The following LRP5 variants were observed in gnomAD, a reference collection of about 807,000 sequenced individuals.
LRP5 encodes the protein LDL receptor related protein 5.
In LRP5, 62 loss-of-function variants were observed where a neutral mutation model predicts 154.1. The observed-to-expected ratio is 0.40, with a 90% CI of 0.33 to 0.50. LRP5 has a LOEUF of 0.50. LRP5 is among the 20% of genes least tolerant of loss of function. The pLI is 0.55. For synonymous variants in LRP5, 966 were observed against 1,011.5 expected, an observed-to-expected ratio of 0.96 and a Z score of 0.85; for missense variants, 1,915 against 2,336.7, an observed-to-expected ratio of 0.82 and a Z score of 3.72.
chr11:68,335,781 A>G (rs2098605372), intron 1 of LRP5, among the ~76,000 whole-genome samples: 1 of 152,206 alleles, frequency 6.6e-6, no homozygotes, highest in Non-Finnish European at 1.5e-5. Context: ...TGTGGAAAGC[A>G]TGGCACTAGC....
chr11:68,446,457 C>T lies in LRP5; in HGVS notation c.4510C>T (p.Pro1504Ser). 1 of 1,613,960 alleles carries T rather than the reference C, an allele frequency of 6.2e-7. No homozygotes were observed. The highest frequency in any genetic ancestry group is 8.5e-7 in the Non-Finnish European group (1 of 1,179,852). Reference protein sequence around the residue: ...YPPILNPPPSPATDPSLYNMD... With the variant: ...YPPILNPPPSSATDPSLYNMD... ...TCAGATCCTGAACCCGCCGCCCTCC[C>T]CGGCCACGGACCCCTCCCTGTACAA... Residue 1504 changes from proline (P) to serine (S), a missense_variant, in exon 22 of 23, where the codon CCG becomes TCG. Physicochemically the swap from Pro to Ser is moderately conservative, Grantham distance 74 (BLOSUM62 -1). Transcript: ENST00000294304.
chr11:68,446,819 G>C (rs1278215711), intron 22 of LRP5, among the ~76,000 whole-genome samples: 2 of 152,204 alleles, frequency 1.3e-5, no homozygotes, highest in Non-Finnish European at 2.9e-5. Context: ...AATGGCTGTG[G>C]CGTCGAGGGG....
At chr11:68,439,158 G>T (rs75210709) in intron 20 of LRP5, among the ~76,000 whole-genome samples, 2,922 of 152,322 alleles carry the variant, frequency 0.019, 52 homozygotes, top group Non-Finnish European at 0.029. Context: ...CTGGGCAGCC[G>T]CACCGCAGAG....
rs372126973 is a variant in LRP5, at chr11:68,413,678, T to G, written c.2504-11T>G. On this transcript the variant is annotated splice_polypyrimidine_tract_variant and intron_variant, in intron 11 of 22. Coordinates refer to ENST00000294304, the MANE Select transcript of LRP5 (RefSeq NM_002335.4). The surrounding 1 kb of genome is among the most constrained non-coding windows in gnomAD (Gnocchi z 5.1). Reference sequence around the variant, plus strand: ...CCTTTGCTGACACCGTGCCCGTGTGTGTTCATGCAGGTCAGGAGCGGGTCG... The same window carrying G: ...CCTTTGCTGACACCGTGCCCGTGTGGGTTCATGCAGGTCAGGAGCGGGTCG... 5.0e-6 allele frequency: 8 copies of G among 1,613,128 alleles called. No individual in the cohort carries two copies. In the African/African-American group the frequency reaches 1.1e-4, roughly 22 times the overall value.
intron 3 of LRP5, among the ~76,000 whole-genome samples, chr11:68,361,840 A>T (rs2098628294): frequency 6.6e-6 from 1 of 152,170 alleles, no homozygotes. Context: ...AACAAAAAAG[A>T]CAACATTGTG....
Position 68,416,499 on chromosome 11 carries a change from T to C in LRP5, c.2999T>C (p.Ile1000Thr). ...TACTGGGTGGATGGGCGCCAGAACA[T>C]CAAGCGAGCCAAGGACGACGGGACC... ...FIYWVDGRQN[I>T]KRAKDDGTQP... Residue 1000 changes from isoleucine to threonine, a missense_variant, in exon 13 of 23, where the codon ATC becomes ACC. Transcript: ENST00000294304. 6.2e-7 allele frequency: 1 copy of C among 1,613,894 alleles called. No homozygotes were observed. The highest frequency in any genetic ancestry group is 8.5e-7 in the Non-Finnish European group (1 of 1,180,036).
chr11:68,439,455 CA>C (rs2153181758), intron 20 of LRP5, among the ~76,000 whole-genome samples: 1 of 152,328 alleles, frequency 6.6e-6, no homozygotes, highest in Admixed American at 6.5e-5. Flanking sequence ...GGCACCATCA[CA>C]GTCGCAGCAG....
chr11:68,354,570 G>A (rs1329388998), intron 2 of LRP5, among the ~76,000 whole-genome samples: 1 of 152,230 alleles, frequency 6.6e-6, no homozygotes, highest in African/African-American at 2.4e-5. Flanking sequence ...AAAGCAAGGC[G>A]TCTGCCGCAG....
chr11:68,399,607 G>C lies in LRP5; in HGVS notation c.1585-3876G>C, dbSNP rs190523383. The stretch of plus-strand genomic sequence containing the variant: ...TTGGCCCCTGTTATTTCTGAACTCT[G>C]TTTTGGCTCTGTTCCCTCCCAGGAG... On this transcript the variant is annotated intron_variant, in intron 7 of 22. Transcript: ENST00000294304. Among the ~76,000 whole-genome samples, 121 of 152,308 alleles carry C rather than the reference G, an allele frequency of 7.9e-4. 1 individual carries two copies. Among genetic ancestry groups the C allele is most frequent in the African/African-American group, 2.8e-3 (116 of 41,572 alleles).
At chr11:68,315,338 AT>A (rs1230462902) in intron 1 of LRP5, among the ~76,000 whole-genome samples, 107 of 152,184 alleles carry the variant, frequency 7.0e-4, no homozygotes, top group Non-Finnish European at 3.5e-4. Flanking sequence ...AATAGTCTGG[AT>A]TTTTCCTGTA....
chr11:68,394,482 T>C (rs1215602676), intron 7 of LRP5, among the ~76,000 whole-genome samples: 1 of 148,240 alleles, frequency 6.7e-6, no homozygotes, highest in African/African-American at 2.6e-5. Context: ...TTTTTTTTTT[T>C]TGAGGTGGAG....
rs558768735 is a variant in LRP5 at position 68,446,511 on chromosome 11, C to A, written c.4564C>A (p.Pro1522Thr). ...GGACATGTTCTACTCTTCAAACATT[C>A]CGGCCACTGCGAGACCGTACAGGTA... ...NMDMFYSSNI[P>T]ATARPYRPYI... Residue 1522 changes from proline to threonine, a missense_variant, in exon 22 of 23, where the codon CCG (proline) becomes ACG (threonine). Physicochemically the swap from Pro to Thr is conservative, Grantham distance 38. Transcript: ENST00000294304. The A allele has an allele frequency of 3.1e-6, 5 of 1,614,108 alleles. No homozygotes were observed. In the African/African-American group the frequency reaches 6.7e-5, roughly 22 times the overall value.
chr11:68,405,578 G>A (rs964942052), intron 8 of LRP5, among the ~76,000 whole-genome samples: 1 of 152,102 alleles, frequency 6.6e-6, no homozygotes, highest in Non-Finnish European at 1.5e-5. Context: ...AGACAAAAGG[G>A]TGCCTCCATG....
Position 68,386,496 on chromosome 11 carries a change from G to A in LRP5, c.1196G>A (p.Arg399Lys). The change falls in exon 6 of 23, where the codon AGG becomes AAG. Residue 399 changes from arginine to lysine, a missense_variant. Around this residue, in one of 3 missense-constraint regions of LRP5, gnomAD observed 773 missense variants for 1,100.9 expected, o/e 0.70. Transcript: ENST00000294304. The surrounding 1 kb of genome is among the most constrained non-coding windows in gnomAD (Gnocchi z 7.9). ...WTDDEVRAIRRAYLDGSGAQT... is the reference protein window; with the variant it reads ...WTDDEVRAIRKAYLDGSGAQT... Reference sequence around the variant, plus strand: ...GATGACGAGGTGCGGGCCATCCGCAGGGCGTACCTGGACGGGTCTGGGGCG... The same window carrying A: ...GATGACGAGGTGCGGGCCATCCGCAAGGCGTACCTGGACGGGTCTGGGGCG... The A allele has an allele frequency of 1.2e-6, 2 of 1,614,120 alleles. No homozygotes were observed. Among genetic ancestry groups the A allele is most frequent in the Non-Finnish European group, 8.5e-7 (1 of 1,180,026 alleles).
intron 1 of LRP5, among the ~76,000 whole-genome samples, chr11:68,337,897 G>A (rs560807060): frequency 6.6e-6 from 1 of 151,958 alleles, no homozygotes; most frequent in South Asian, 2.1e-4. Flanking sequence ...CCCACCTACA[G>A]CCAGGTCTTC....
chr11:68,398,832 T>A lies in LRP5; in HGVS notation c.1585-4651T>A, dbSNP rs527540576. Among the ~76,000 whole-genome samples the A allele has an allele frequency of 8.5e-5, 13 of 152,224 alleles. No individual in the cohort carries two copies. The South Asian group carries it at 2.5e-3, about 29-fold the overall frequency. Reference sequence around the variant, plus strand: ...TCGCTGTACCCTTGACCTCCCAGGCTCAAGCGATCCTCCTGTCTCAGCCTC... The same window carrying A: ...TCGCTGTACCCTTGACCTCCCAGGCACAAGCGATCCTCCTGTCTCAGCCTC... On this transcript the variant is annotated intron_variant, in intron 7 of 22. Transcript: ENST00000294304.
intron 3 of LRP5, among the ~76,000 whole-genome samples, chr11:68,362,670 GAC>G (rs2098628728): frequency 6.7e-6 from 1 of 149,374 alleles, no homozygotes; most frequent in Non-Finnish European, 1.5e-5. Flanking sequence ...CAACCTGGGT[GAC>G]AGAGTGAGAC....
chr11:68,314,121 C>T (rs2098591094), intron 1 of LRP5, among the ~76,000 whole-genome samples: 1 of 152,136 alleles, frequency 6.6e-6, no homozygotes, highest in Admixed American at 6.5e-5. Context: ...GAGTACAGGC[C>T]AGCGCCGCTC....
intron 7 of LRP5, among the ~76,000 whole-genome samples, chr11:68,394,152 A>G (rs760839887): frequency 2.0e-5 from 3 of 152,098 alleles, no homozygotes; most frequent in Admixed American, 6.5e-5. Context: ...TTTTGTCCAC[A>G]TTGGATACAC....
Sources: allele counts gnomAD v4.1 joint callset (sites outside exome capture counted in the v4.1 genomes callset), GRCh38; gene constraint gnomAD v4.1.1; regional missense constraint gnomAD v4.1.1; non-coding constraint Gnocchi (gnomAD v3.1); transcripts MANE v1.5; gene names NCBI Gene and HGNC (gene_info 2026-07-23, HGNC 2026-07-21).